ZNF804B: variants seen among roughly 807,000 people sequenced by gnomAD.
The protein encoded by ZNF804B is zinc finger protein 804B.
A neutral mutation model predicts 101.4 loss-of-function variants in ZNF804B; 80 were observed. That is an observed-to-expected ratio of 0.79 (90% CI 0.66 to 0.95). The LOEUF (loss-of-function observed/expected upper bound fraction) is 0.95, where lower values mean the gene tolerates loss of function less well. Among genes scored for constraint, ZNF804B ranks in the 40% least tolerant of loss-of-function variants. The pLI is 0.00. For missense variants in ZNF804B, 1,673 were observed against 1,561.9 expected (o/e 1.07, Z -1.20); for synonymous variants, 622 against 558.8 (o/e 1.11, Z -1.59).
chr7:89,068,739 G>A (rs1789492457), intron 1 of ZNF804B, among the ~76,000 whole-genome samples: 2 of 152,196 alleles, frequency 1.3e-5, no homozygotes, highest in African/African-American at 4.8e-5. Context: ...CTGTTAAGCA[G>A]TATATGAATA....
At chr7:89,048,006 A>C (rs923301708) in intron 1 of ZNF804B, among the ~76,000 whole-genome samples, 6 of 151,512 alleles carry the variant, frequency 4.0e-5, no homozygotes, top group African/African-American at 1.5e-4. Context: ...GTTTTCTTAC[A>C]TGAGTAAGTT....
intron 1 of ZNF804B, among the ~76,000 whole-genome samples, chr7:88,780,386 C>CTTTTTTTTT (rs34619990): frequency 8.1e-5 from 9 of 111,180 alleles, no homozygotes; most frequent in Non-Finnish European, 1.1e-4. Flanking sequence ...ACTTTTTTGT[C>CTTTTTTTTT]TTTTTTTTTT....
chr7:89,245,730 A>G (rs1372306551), intron 2 of ZNF804B, among the ~76,000 whole-genome samples: 2 of 152,228 alleles, frequency 1.3e-5, no homozygotes, highest in Admixed American at 6.5e-5. Flanking sequence ...TTCAAGAAAG[A>G]CAATGGGAAT....
intron 1 of ZNF804B, among the ~76,000 whole-genome samples, chr7:89,044,383 C>T (rs1003851072): frequency 4.6e-5 from 7 of 152,040 alleles, no homozygotes; most frequent in African/African-American, 9.7e-5. Context: ...AGCATGAGAA[C>T]GGACTAATAC....
At chr7:89,206,934 T>C (rs1788722776) in intron 1 of ZNF804B, among the ~76,000 whole-genome samples, 1 of 152,190 alleles carries the variant, frequency 6.6e-6, no homozygotes, top group Non-Finnish European at 1.5e-5. Flanking sequence ...GTCTCTTTGC[T>C]AAAACATAAC....
chr7:88,986,140 CA>C (rs1359027557), intron 1 of ZNF804B, among the ~76,000 whole-genome samples: 3 of 152,000 alleles, frequency 2.0e-5, no homozygotes, highest in African/African-American at 7.2e-5. Flanking sequence ...GCAACAAAGC[CA>C]AGACAGAATG....
intron 1 of ZNF804B, among the ~76,000 whole-genome samples, chr7:89,104,848 A>G (rs1790111366): frequency 1.3e-5 from 2 of 152,148 alleles, no homozygotes; most frequent in East Asian, 1.9e-4. Context: ...TGGAACTGCT[A>G]CTTGATTCTG....
intron 2 of ZNF804B, among the ~76,000 whole-genome samples, chr7:89,221,182 T>C (rs1275048285): frequency 6.6e-6 from 1 of 152,028 alleles, no homozygotes; most frequent in Non-Finnish European, 1.5e-5. Context: ...GATCATTTGC[T>C]CAAATATCTT....
chr7:89,054,555 G>A (rs938542838), intron 1 of ZNF804B, among the ~76,000 whole-genome samples: 1 of 151,908 alleles, frequency 6.6e-6, no homozygotes, highest in Non-Finnish European at 1.5e-5. Context: ...AGAAAGGAAG[G>A]AAAGAGGAAC....
At chr7:89,158,351 G>A (rs1044976730) in intron 1 of ZNF804B, among the ~76,000 whole-genome samples, 17 of 152,104 alleles carry the variant, frequency 1.1e-4, no homozygotes, top group African/African-American at 4.1e-4. Context: ...AATTCTCAGA[G>A]TGCTCTTTAG....
At chr7:88,923,892 A>G (rs967360323) in intron 1 of ZNF804B, among the ~76,000 whole-genome samples, 2 of 152,148 alleles carry the variant, frequency 1.3e-5, no homozygotes, top group Middle Eastern at 3.2e-3. Flanking sequence ...CAATAGAAAT[A>G]ATTAAAATAT....
intron 1 of ZNF804B, among the ~76,000 whole-genome samples, chr7:89,192,572 C>A (rs1005790269): frequency 4.6e-5 from 7 of 151,808 alleles, no homozygotes; most frequent in Non-Finnish European, 8.8e-5. Flanking sequence ...TTGAAACTAC[C>A]AGATGTATAT....
At chr7:88,933,793 C>T (rs1792925770) in intron 1 of ZNF804B, among the ~76,000 whole-genome samples, 1 of 151,982 alleles carries the variant, frequency 6.6e-6, no homozygotes, top group Admixed American at 6.6e-5. Context: ...ACATCCCATT[C>T]TCATGGATGA....
intron 2 of ZNF804B, among the ~76,000 whole-genome samples, chr7:89,250,335 A>C (rs541471331): frequency 6.5e-4 from 99 of 152,332 alleles, no homozygotes; most frequent in African/African-American, 2.2e-3. Flanking sequence ...GGAAATCTAG[A>C]GAAAATGAAT....
chr7:89,294,272 T>G (rs1790345776), intron 2 of ZNF804B, among the ~76,000 whole-genome samples: 1 of 152,210 alleles, frequency 6.6e-6, no homozygotes, highest in Non-Finnish European at 1.5e-5. Flanking sequence ...AACTCTGTAA[T>G]GCCAAATGTC....
intron 1 of ZNF804B, among the ~76,000 whole-genome samples, chr7:89,148,978 T>C (rs1363215320): frequency 1.3e-5 from 2 of 152,108 alleles, no homozygotes; most frequent in African/African-American, 4.8e-5. Flanking sequence ...TCAGAGTTAT[T>C]GGGAAACTCC....
At chr7:89,285,548 AGAAG>A (rs1196543319) in intron 2 of ZNF804B, among the ~76,000 whole-genome samples, 30 of 88,362 alleles carry the variant, frequency 3.4e-4, no homozygotes, top group African/African-American at 1.3e-3. Context: ...AAAAAAAAAA[AGAAG>A]AAGAAGAAGA....
Position 89,190,759 on chromosome 7 carries a change from C to T in ZNF804B, c.109-27396C>T, listed in dbSNP as rs140563064. Among the ~76,000 whole-genome samples, 30 of 152,234 alleles carry T rather than the reference C, an allele frequency of 2.0e-4. No homozygotes were observed. The East Asian group carries it at 5.6e-3, about 28-fold the overall frequency. On this transcript the variant is annotated intron_variant, in intron 1 of 3. Coordinates refer to ENST00000333190, the MANE Select transcript of ZNF804B (RefSeq NM_181646.5). ...ATACCCCAACCTTTGGCAATCACCA[C>T]CCTGATCAGTCAGCAGAAATCAACA...
chr7:88,990,090 T>C (rs1172859430), intron 1 of ZNF804B, among the ~76,000 whole-genome samples: 3 of 151,958 alleles, frequency 2.0e-5, no homozygotes, highest in Admixed American at 6.6e-5. Context: ...TCCATCTTGT[T>C]AGTAATTTAA....
Sources: gnomAD v4.1 joint callset for allele counts (sites outside exome capture counted in the v4.1 genomes callset) on GRCh38, gnomAD v4.1.1 for gene constraint, MANE v1.5 for transcripts, NCBI Gene and HGNC (gene_info 2026-07-23, HGNC 2026-07-21) for gene names.